Variants in FBXO16 observed in about 807,000 individuals in gnomAD.
The protein encoded by FBXO16 is F-box only protein 16.
FBXO16 carries 31 observed loss-of-function variants against 41.0 expected under a neutral mutation model. The ratio of observed to expected loss-of-function variants is 0.76; its 90% CI spans 0.57 to 1.02. The LOEUF (loss-of-function observed/expected upper bound fraction) is 1.02, where lower values mean the gene tolerates loss of function less well. Ranked by LOEUF, FBXO16 falls within the 50% of genes least tolerant of loss-of-function variation. FBXO16 has a pLI of 0.00. For synonymous variants in FBXO16, 133 were observed against 117.8 expected, an observed-to-expected ratio of 1.13 and a Z score of -0.84; for missense variants, 361 against 346.2, an observed-to-expected ratio of 1.04 and a Z score of -0.34.
At chr8:28,439,555 T>C (rs1354918693) in intron 7 of FBXO16, among the ~76,000 whole-genome samples, 1 of 151,816 alleles carries the variant, frequency 6.6e-6, no homozygotes, top group African/African-American at 2.4e-5. Flanking sequence ...CCAGGCAAAA[T>C]AGCGAGACCC....
intron 2 of FBXO16, among the ~76,000 whole-genome samples, chr8:28,478,821 CA>C (rs35959759): frequency 0.31 from 36,421 of 117,674 alleles, 5,024 homozygotes; most frequent in East Asian, 0.62. Context: ...ATTCTGTCTC[CA>C]AAAAAAAAAA....
chr8:28,459,675 T>C (rs973048232), intron 4 of FBXO16, among the ~76,000 whole-genome samples: 1 of 146,152 alleles, frequency 6.8e-6, no homozygotes, highest in African/African-American at 2.5e-5. Flanking sequence ...TAATGCATCA[T>C]ATATGGCTAT....
intron 4 of FBXO16, among the ~76,000 whole-genome samples, chr8:28,460,247 T>TATATA (rs57422429): frequency 4.9e-3 from 258 of 52,858 alleles, no homozygotes; most frequent in East Asian, 0.015. Context: ...ATATATATAT[T>TATATA]TTTTTTTTTT....
intron 5 of FBXO16, among the ~76,000 whole-genome samples, chr8:28,454,965 TA>T (rs945460042): frequency 3.4e-5 from 5 of 149,094 alleles, no homozygotes; most frequent in South Asian, 2.1e-4. Context: ...TTTCTCTCTT[TA>T]AAAAAAATAT....
rs1174276709 is a variant in FBXO16, at chr8:28,460,423, A to ATTTTTTTTTTTTTTT, written c.342+3174_342+3188dup. 8.8e-4 allele frequency among the ~76,000 whole-genome samples: 73 copies of ATTTTTTTTTTTTTTT among 82,498 alleles called. 14 individuals carry two copies. Among genetic ancestry groups the ATTTTTTTTTTTTTTT allele is most frequent in the African/African-American group, 4.5e-3 (71 of 15,906 alleles). The allele number at this position is 82,498 out of a possible 152,430, so 54.1% of individuals were successfully genotyped here. A position where few individuals can be genotyped will look rare whatever the true frequency, so the allele number is the denominator to read the frequency against. ...TAGGCACATGCGCTATACCTGGCTAATTTTTTTTTTTTTTTTTTTTTTGAG... is the reference window on the plus strand; with the variant it reads ...TAGGCACATGCGCTATACCTGGCTAATTTTTTTTTTTTTTTTTTTTTTTTTTTTTTTTTTTTTGAG... On this transcript the variant is annotated intron_variant, in intron 4 of 8. Coordinates refer to ENST00000380254, the MANE Select transcript of FBXO16 (RefSeq NM_172366.4).
chr8:28,477,386 T>C (rs1803439808), intron 2 of FBXO16, among the ~76,000 whole-genome samples: 1 of 152,234 alleles, frequency 6.6e-6, no homozygotes, highest in South Asian at 2.1e-4. Context: ...CTCGGGCATC[T>C]ATTTTTAATT....
chr8:28,455,038 T>C (rs1263814591), intron 5 of FBXO16, among the ~76,000 whole-genome samples: 2 of 152,000 alleles, frequency 1.3e-5, no homozygotes, highest in Non-Finnish European at 1.5e-5. Flanking sequence ...TATGTGCTAC[T>C]GAAACATGCA....
Position 28,451,378 on chromosome 8 carries a change from TTG to T in FBXO16, c.740+864_740+865del, listed in dbSNP as rs1469501562. The stretch of plus-strand genomic sequence containing the variant: ...TTTCTCTCTTTCTGTCTCTTTGTTG[TTG>T]TTTTTTTTTTTTTTGTTTTTTGTTT... On this transcript the variant is annotated intron_variant, in intron 6 of 8. Transcript: ENST00000380254. Among the ~76,000 whole-genome samples the T allele has an allele frequency of 3.1e-4, 28 of 91,496 alleles. No homozygotes were observed. In the East Asian group the frequency reaches 6.1e-3, roughly 20 times the overall value. 60.0% of individuals were successfully genotyped at this position (91,496 alleles called of 152,430 possible).
intron 1 of FBXO16, among the ~76,000 whole-genome samples, chr8:28,486,178 T>A (rs1003973681): frequency 4.0e-5 from 6 of 151,734 alleles, no homozygotes; most frequent in African/African-American, 1.5e-4. Flanking sequence ...AAAAGTGATA[T>A]ATCTGTTTTT....
chr8:28,434,723 G>A (rs1802660860), intron 7 of FBXO16, among the ~76,000 whole-genome samples: 1 of 152,242 alleles, frequency 6.6e-6, no homozygotes, highest in Admixed American at 6.5e-5. Flanking sequence ...ACTTGCAGCA[G>A]GGGTGCCCTG....
At chr8:28,435,566 G>T (rs912434354) in intron 7 of FBXO16, among the ~76,000 whole-genome samples, 1 of 152,124 alleles carries the variant, frequency 6.6e-6, no homozygotes, top group Non-Finnish European at 1.5e-5. Context: ...CAGTTGGGTG[G>T]TTTCTCTCTC....
At chr8:28,435,719 A>G (rs1439033200) in intron 7 of FBXO16, among the ~76,000 whole-genome samples, 1 of 152,186 alleles carries the variant, frequency 6.6e-6, no homozygotes, top group Non-Finnish European at 1.5e-5. Context: ...AGGAAAGGGT[A>G]GGTACATGTA....
chr8:28,460,964 G>A (rs1803124522), intron 4 of FBXO16, among the ~76,000 whole-genome samples: 1 of 152,004 alleles, frequency 6.6e-6, no homozygotes, highest in Non-Finnish European at 1.5e-5. Flanking sequence ...TCAAACTCTT[G>A]GCCTCAAGCA....
In FBXO16 at chr8:28,431,469, T is replaced by C. The variant is rs74981439; in HGVS notation, c.844-2066A>G. 3.8e-3 allele frequency among the ~76,000 whole-genome samples: 583 copies of C among 152,366 alleles called. 3 individuals carry two copies. Among genetic ancestry groups the C allele is most frequent in the African/African-American group, 0.013 (557 of 41,578 alleles). On this transcript the variant is annotated intron_variant, in intron 7 of 8. Transcript: ENST00000380254. ...AAAAATCTTTCTGGATCCTGCTCTATAGCACCTGACTATCTGGCTGAAATA... is the reference window on the plus strand; with the variant it reads ...AAAAATCTTTCTGGATCCTGCTCTACAGCACCTGACTATCTGGCTGAAATA...
intron 4 of FBXO16, among the ~76,000 whole-genome samples, chr8:28,458,141 C>T (rs1219130232): frequency 6.6e-6 from 1 of 152,218 alleles, no homozygotes; most frequent in African/African-American, 2.4e-5. Context: ...AGTGCCCCCT[C>T]ACCCCCAAAA....
chr8:28,476,512 G>A (rs1167929041), intron 2 of FBXO16, among the ~76,000 whole-genome samples: 1 of 152,150 alleles, frequency 6.6e-6, no homozygotes, highest in Non-Finnish European at 1.5e-5. Context: ...TTGCAATCAG[G>A]TTCTTCATTT....
chr8:28,433,038 G>A (rs1227305877), intron 7 of FBXO16, among the ~76,000 whole-genome samples: 4 of 150,802 alleles, frequency 2.7e-5, no homozygotes, highest in Non-Finnish European at 5.9e-5. Flanking sequence ...TCCAGCCTCG[G>A]CGACAGAGTG....
chr8:28,465,997 T>C (rs1205487204), intron 3 of FBXO16, among the ~76,000 whole-genome samples: 1 of 152,108 alleles, frequency 6.6e-6, no homozygotes, highest in Non-Finnish European at 1.5e-5. Flanking sequence ...GGCTCATGCC[T>C]GGGAGGCCGA....
chr8:28,487,517 C>A (rs1803621400), intron 1 of FBXO16, among the ~76,000 whole-genome samples: 1 of 151,538 alleles, frequency 6.6e-6, no homozygotes, highest in Non-Finnish European at 1.5e-5. Context: ...CCTCAGGCTC[C>A]CGAGTAGCTG....
Sources: allele counts gnomAD v4.1 joint callset (sites outside exome capture counted in the v4.1 genomes callset), GRCh38; gene constraint gnomAD v4.1.1; transcripts MANE v1.5; gene names NCBI Gene and HGNC (gene_info 2026-07-23, HGNC 2026-07-21).